Variants in SKAP1 observed in about 807,000 individuals in gnomAD.
SKAP1 encodes src kinase associated phosphoprotein 1.
A neutral mutation model predicts 58.5 loss-of-function variants in SKAP1; 44 were observed. The observed-to-expected ratio is 0.75, with a 90% CI of 0.59 to 0.97. The LOEUF (loss-of-function observed/expected upper bound fraction) is 0.97, where lower values mean the gene tolerates loss of function less well. Ranked by LOEUF, SKAP1 falls within the 50% of genes least tolerant of loss-of-function variation. The probability of loss-of-function intolerance (pLI) is 0.00; values close to 1 mark genes in which losing one functional copy is unlikely to be tolerated. For synonymous variants in SKAP1, 127 were observed against 149.7 expected (o/e 0.85, Z 1.11); for missense variants, 390 against 435.2 (o/e 0.90, Z 0.92).
intron 7 of SKAP1, among the ~76,000 whole-genome samples, chr17:48,183,026 T>G (rs1347682015): frequency 6.6e-6 from 1 of 152,174 alleles, no homozygotes; most frequent in Non-Finnish European, 1.5e-5. Flanking sequence ...GCAGATCAGC[T>G]TGACTGAAGA....
chr17:48,143,824 C>G (rs1431576450), intron 11 of SKAP1, among the ~76,000 whole-genome samples: 1 of 152,146 alleles, frequency 6.6e-6, no homozygotes, highest in Admixed American at 6.5e-5. Flanking sequence ...CATTTGCTCC[C>G]CGGGGGTTGT....
intron 3 of SKAP1, among the ~76,000 whole-genome samples, chr17:48,355,937 G>C (rs189253728): frequency 6.6e-6 from 1 of 152,074 alleles, no homozygotes; most frequent in Non-Finnish European, 1.5e-5. Flanking sequence ...ACCATCATCA[G>C]GGCCTTTCCC....
chr17:48,269,841 C>A (rs2065604146), intron 4 of SKAP1, among the ~76,000 whole-genome samples: 1 of 152,078 alleles, frequency 6.6e-6, no homozygotes, highest in Non-Finnish European at 1.5e-5. Flanking sequence ...CGCTTGTAAT[C>A]CCAGCACTTT....
intron 10 of SKAP1, among the ~76,000 whole-genome samples, chr17:48,170,213 C>T (rs911011844): frequency 6.6e-6 from 1 of 152,216 alleles, no homozygotes; most frequent in Non-Finnish European, 1.5e-5. Context: ...TTCCATTCCC[C>T]TCTGAACTTG....
intron 4 of SKAP1, among the ~76,000 whole-genome samples, chr17:48,333,970 C>T (rs2066536813): frequency 6.6e-6 from 1 of 151,928 alleles, no homozygotes; most frequent in Non-Finnish European, 1.5e-5. Context: ...CATTTGCACA[C>T]ACAGAGCTAG....
intron 4 of SKAP1, among the ~76,000 whole-genome samples, chr17:48,338,146 T>TTTTC (rs772805795): frequency 2.6e-5 from 4 of 151,312 alleles, no homozygotes; most frequent in Non-Finnish European, 5.9e-5. Flanking sequence ...CTTTCTTTCT[T>TTTTC]TTTCTTTCTT....
chr17:48,367,655 C>T (rs1251986522), intron 2 of SKAP1, among the ~76,000 whole-genome samples: 3 of 139,124 alleles, frequency 2.2e-5, no homozygotes, highest in African/African-American at 7.6e-5. Flanking sequence ...TGGTGGCTCA[C>T]ACCTGTAATC....
intron 9 of SKAP1, among the ~76,000 whole-genome samples, chr17:48,171,734 A>AGTGTGTGT (rs3221423): frequency 0.023 from 3,466 of 149,058 alleles, 46 homozygotes; most frequent in African/African-American, 0.033. Context: ...AGGATGTTAG[A>AGTGTGTGT]GTGTGTGTGT....
At chr17:48,197,868 A>G (rs1220048409) in intron 4 of SKAP1, among the ~76,000 whole-genome samples, 3 of 152,214 alleles carry the variant, frequency 2.0e-5, no homozygotes, top group East Asian at 3.9e-4. Flanking sequence ...CTAATTGTCT[A>G]GGAGACCTGT....
chr17:48,166,437 G>A (rs1169753799), intron 10 of SKAP1, among the ~76,000 whole-genome samples: 6 of 152,200 alleles, frequency 3.9e-5, no homozygotes, highest in African/African-American at 1.2e-4. Context: ...ATTAGCCTGT[G>A]TGACGAGCAA....
chr17:48,388,239 G>A (rs904099733), intron 2 of SKAP1, among the ~76,000 whole-genome samples: 10 of 152,106 alleles, frequency 6.6e-5, no homozygotes, highest in African/African-American at 2.4e-4. Context: ...TTTGAGACCA[G>A]CCTGGCCAAC....
intron 2 of SKAP1, among the ~76,000 whole-genome samples, chr17:48,382,164 G>A (rs2067222404): frequency 6.7e-6 from 1 of 150,352 alleles, no homozygotes; most frequent in Admixed American, 6.6e-5. Context: ...ATGAATGTTA[G>A]CTGTGACTAT....
At chr17:48,252,865 T>C (rs2065381546) in intron 4 of SKAP1, among the ~76,000 whole-genome samples, 1 of 152,172 alleles carries the variant, frequency 6.6e-6, no homozygotes, top group African/African-American at 2.4e-5. Context: ...TGCATCAGCT[T>C]CCCTGGAGGT....
At chr17:48,274,203 T>C (rs1488936067) in intron 4 of SKAP1, among the ~76,000 whole-genome samples, 2 of 151,902 alleles carry the variant, frequency 1.3e-5, no homozygotes, top group African/African-American at 2.4e-5. Flanking sequence ...GAGACCAGCC[T>C]GACCAACATG....
chr17:48,396,825 C>G (rs773427775), intron 1 of SKAP1, 40 bp from the exon 2 acceptor site: 1 of 1,456,822 alleles, frequency 6.9e-7, no homozygotes, highest in Admixed American at 1.7e-5. Flanking sequence ...AAAAGATGTA[C>G]TAAGGGAGAA....
intron 3 of SKAP1, among the ~76,000 whole-genome samples, chr17:48,357,839 C>T (rs2066896044): frequency 6.6e-6 from 1 of 151,984 alleles, no homozygotes; most frequent in South Asian, 2.1e-4. Flanking sequence ...CCACTTGCTA[C>T]AGATTAATTT....
At chr17:48,295,577 G>A (rs1225832209) in intron 4 of SKAP1, 3 of 149,660 alleles carry the variant, frequency 2.0e-5, no homozygotes, top group South Asian at 2.1e-4. Flanking sequence ...ATCAGGAAAT[G>A]TCTTCAGTTT....
chr17:48,432,934 T>C (rs545146018), upstream of SKAP1, among the ~76,000 whole-genome samples: 1 of 152,332 alleles, frequency 6.6e-6, no homozygotes, highest in East Asian at 1.9e-4. Flanking sequence ...TCTATATGCA[T>C]CCTTCCTTAC....
intron 4 of SKAP1, among the ~76,000 whole-genome samples, chr17:48,228,502 AT>A (rs1361980231): frequency 6.6e-6 from 1 of 152,204 alleles, no homozygotes; most frequent in Non-Finnish European, 1.5e-5. Context: ...ATCATACCCA[AT>A]AGATAGCAAA....
Sources: allele counts gnomAD v4.1 joint callset (sites outside exome capture counted in the v4.1 genomes callset), GRCh38; gene constraint gnomAD v4.1.1; transcripts MANE v1.5; gene names NCBI Gene and HGNC (gene_info 2026-07-23, HGNC 2026-07-21).